The following SCML4 variants were observed in gnomAD, a reference collection of about 807,000 sequenced individuals.
SCML4 encodes the protein sex comb on midleg-like protein 4.
SCML4 carries 34 observed loss-of-function variants against 41.1 expected under a neutral mutation model. The observed-to-expected ratio is 0.83, with a 90% CI of 0.63 to 1.10. SCML4 has a LOEUF of 1.10. SCML4 is among the 50% of genes least tolerant of loss of function. The pLI is 0.00. For missense variants in SCML4, 522 were observed against 534.1 expected (o/e 0.98, Z 0.22); for synonymous variants, 214 against 220.9 (o/e 0.97, Z 0.28).
intron 5 of SCML4, among the ~76,000 whole-genome samples, chr6:107,743,025 A>G (rs567237151): frequency 1.3e-5 from 2 of 152,340 alleles, no homozygotes; most frequent in Admixed American, 6.5e-5. Context: ...GAGGCAACTA[A>G]AAGTCCACTG....
intron 1 of SCML4, among the ~76,000 whole-genome samples, chr6:107,784,681 A>G (rs539923999): frequency 6.6e-6 from 1 of 152,368 alleles, no homozygotes; most frequent in East Asian, 1.9e-4. Flanking sequence ...CAATAAAGTC[A>G]ATCTAAATGA....
chr6:107,833,774 T>A, the SCML4 span, among the ~76,000 whole-genome samples: 1 of 152,168 alleles, frequency 6.6e-6, no homozygotes, highest in Non-Finnish European at 1.5e-5. Flanking sequence ...TTACAAGAAA[T>A]GTACAAGTTG....
At chr6:107,807,839 T>A (rs1266331008) in intron 1 of SCML4, among the ~76,000 whole-genome samples, 1 of 152,266 alleles carries the variant, frequency 6.6e-6, no homozygotes, top group Non-Finnish European at 1.5e-5. Context: ...TCTCTCAAAC[T>A]GTAATTATCT....
At chr6:107,845,071 A>C in the SCML4 span, among the ~76,000 whole-genome samples, 1 of 152,036 alleles carries the variant, frequency 6.6e-6, no homozygotes, top group East Asian at 1.9e-4. Flanking sequence ...CCCCATCTCT[A>C]TTAAAAGTAC....
intron 2 of SCML4, among the ~76,000 whole-genome samples, chr6:107,752,704 T>G (rs184733965): frequency 9.0e-4 from 137 of 152,268 alleles, no homozygotes; most frequent in Non-Finnish European, 1.6e-3. Context: ...GATTTAGCAG[T>G]TTATCAACAA....
chr6:107,749,140 G>A (rs1778391475), intron 3 of SCML4, among the ~76,000 whole-genome samples: 1 of 152,110 alleles, frequency 6.6e-6, no homozygotes, highest in African/African-American at 2.4e-5. Flanking sequence ...GTGTGTGCAT[G>A]TGCGTGTGTG....
intron 5 of SCML4, among the ~76,000 whole-genome samples, chr6:107,735,445 G>C (rs1345437876): frequency 1.3e-5 from 2 of 151,816 alleles, no homozygotes; most frequent in Non-Finnish European, 2.9e-5. Context: ...TTGAGGGCGG[G>C]GGGATTCCAG....
intron 2 of SCML4, among the ~76,000 whole-genome samples, chr6:107,753,518 A>T (rs545558166): frequency 3.3e-5 from 5 of 152,216 alleles, no homozygotes; most frequent in Non-Finnish European, 7.3e-5. Flanking sequence ...TGAATTTCGC[A>T]AGATGAAAAT....
At chr6:107,794,193 T>C (rs1258938759) in intron 1 of SCML4, among the ~76,000 whole-genome samples, 3 of 152,202 alleles carry the variant, frequency 2.0e-5, no homozygotes, top group African/African-American at 7.2e-5. Flanking sequence ...AAGAAGGTGC[T>C]CAATAGATGC....
chr6:107,778,791 T>C (rs1477875649), intron 1 of SCML4, among the ~76,000 whole-genome samples: 4 of 152,196 alleles, frequency 2.6e-5, no homozygotes, highest in Non-Finnish European at 4.4e-5. Context: ...ATTCATGTAT[T>C]TACTCATTCA....
At chr6:107,842,497 A>T in the SCML4 span, among the ~76,000 whole-genome samples, 1 of 152,212 alleles carries the variant, frequency 6.6e-6, no homozygotes. Flanking sequence ...TACCAGGTTC[A>T]AGCCATTCTC....
chr6:107,803,457 C>A (rs1443623484), intron 1 of SCML4, among the ~76,000 whole-genome samples: 12 of 149,568 alleles, frequency 8.0e-5, no homozygotes, highest in Admixed American at 2.0e-4. Context: ...GGCCAGCCGC[C>A]CGGTCCGGGA....
At chr6:107,725,616 CAAAAT>C (rs1322832893) in intron 5 of SCML4, among the ~76,000 whole-genome samples, 1 of 151,938 alleles carries the variant, frequency 6.6e-6, no homozygotes, top group Non-Finnish European at 1.5e-5. Flanking sequence ...AAAATTAACT[CAAAAT>C]GAATAAAAAA....
chr6:107,824,460 CTCTGTGTGTGTGTG>C (rs1417909730), upstream of SCML4: 1 of 120,142 alleles, frequency 8.3e-6, no homozygotes, highest in Non-Finnish European at 1.7e-5. Context: ...AAAACGAGGC[CTCTGTGTGTGTGTG>C]TGTGTGTGTG....
intron 2 of SCML4, among the ~76,000 whole-genome samples, chr6:107,760,938 G>C (rs1779533320): frequency 6.6e-6 from 1 of 151,934 alleles, no homozygotes; most frequent in Non-Finnish European, 1.5e-5. Flanking sequence ...TTTATAAGTG[G>C]GAAACACAGT....
chr6:107,837,064 G>A, the SCML4 span, among the ~76,000 whole-genome samples: 1 of 152,104 alleles, frequency 6.6e-6, no homozygotes, highest in Non-Finnish European at 1.5e-5. Context: ...TACTGTTCCA[G>A]AGCTTATCCT....
chr6:107,733,029 C>G (rs537805082), intron 5 of SCML4, among the ~76,000 whole-genome samples: 65 of 152,288 alleles, frequency 4.3e-4, no homozygotes, highest in African/African-American at 1.4e-3. Flanking sequence ...GGCAACAAAC[C>G]AACAGCTCAT....
At chr6:107,808,063 C>T (rs1401377272) in intron 1 of SCML4, among the ~76,000 whole-genome samples, 1 of 152,158 alleles carries the variant, frequency 6.6e-6, no homozygotes, top group African/African-American at 2.4e-5. Context: ...GACTTTTGCA[C>T]ATCTCGCCCA....
At chr6:107,717,484 G>C (rs1260321084) in intron 6 of SCML4, among the ~76,000 whole-genome samples, 2 of 152,032 alleles carry the variant, frequency 1.3e-5, no homozygotes, top group Admixed American at 1.3e-4. Flanking sequence ...CCGTGGTGGG[G>C]GTCCTGCTGA....
Sources: gnomAD v4.1 joint callset for allele counts (sites outside exome capture counted in the v4.1 genomes callset) on GRCh38, gnomAD v4.1.1 for gene constraint, MANE v1.5 for transcripts, NCBI Gene and HGNC (gene_info 2026-07-23, HGNC 2026-07-21) for gene names.